MYO1D: variants seen among roughly 807,000 people sequenced by gnomAD.
MYO1D encodes the protein myosin ID.
MYO1D carries 83 observed loss-of-function variants against 122.0 expected under a neutral mutation model. That is an observed-to-expected ratio of 0.68 (90% CI 0.57 to 0.82). MYO1D has a LOEUF of 0.82. Among genes scored for constraint, MYO1D ranks in the 40% least tolerant of loss-of-function variants. The pLI is 0.00. For missense variants in MYO1D, 1,157 were observed against 1,269.5 expected (o/e 0.91, Z 1.35); for synonymous variants, 464 against 446.9 (o/e 1.04, Z -0.48).
chr17:32,522,442 G>A (rs1237454079), intron 21 of MYO1D, among the ~76,000 whole-genome samples: 3 of 152,202 alleles, frequency 2.0e-5, no homozygotes. Context: ...TTAAGTTCTA[G>A]CTGCTGACTT....
intron 16 of MYO1D, among the ~76,000 whole-genome samples, chr17:32,699,473 T>C: frequency 6.6e-6 from 1 of 152,238 alleles, no homozygotes; most frequent in East Asian, 1.9e-4. Flanking sequence ...TTCTCAATGC[T>C]GTCTCAGCTC....
chr17:32,643,793 T>A (rs1691807388), intron 19 of MYO1D, among the ~76,000 whole-genome samples: 1 of 152,196 alleles, frequency 6.6e-6, no homozygotes, highest in African/African-American at 2.4e-5. Context: ...TTATTGTGTC[T>A]ATTTGATTCT....
At position 32,724,266 on chromosome 17, in the gene MYO1D, G is replaced by A. The variant is rs139569123; in HGVS notation, c.1747-3077C>T. On this transcript the variant is annotated intron_variant, in intron 14 of 21. Coordinates refer to ENST00000318217, the MANE Select transcript of MYO1D (RefSeq NM_015194.3). The stretch of plus-strand genomic sequence containing the variant: ...ATTTATCTGCATGTTTGGCACCAGT[G>A]TAACAGAATAAGCATTGTACAAAAT... Among the ~76,000 whole-genome samples, 17 of 152,290 alleles carry A rather than the reference G, an allele frequency of 1.1e-4. No individual in the cohort carries two copies. In the East Asian group the frequency reaches 1.2e-3, roughly 10 times the overall value.
intron 19 of MYO1D, among the ~76,000 whole-genome samples, chr17:32,640,645 G>T (rs985415930): frequency 6.6e-6 from 1 of 151,004 alleles, no homozygotes; most frequent in Non-Finnish European, 1.5e-5. Context: ...TCCCTACAAA[G>T]GACATGAACT....
rs140570760 is a variant in MYO1D, at chr17:32,576,116, G to C, written c.2864+28971C>G. On this transcript the variant is annotated intron_variant, in intron 21 of 21. Coordinates refer to ENST00000318217, the MANE Select transcript of MYO1D (RefSeq NM_015194.3). ...AGTAAAATTAGTTCACTCTTAGGTA[G>C]ATCAGGGGTGAGTCAGGAGAAGAAA... Among the ~76,000 whole-genome samples, 1,020 of 152,290 alleles carry C rather than the reference G, an allele frequency of 6.7e-3. 8 individuals carry two copies. Among genetic ancestry groups the C allele is most frequent in the African/African-American group, 0.023 (972 of 41,550 alleles).
intron 21 of MYO1D, among the ~76,000 whole-genome samples, chr17:32,591,696 T>C (rs1334602911): frequency 6.6e-6 from 1 of 151,820 alleles, no homozygotes; most frequent in Non-Finnish European, 1.5e-5. Flanking sequence ...TTCATCGCAA[T>C]GGCATCAGCA....
chr17:32,513,746 G>C (rs1178102769), intron 21 of MYO1D, among the ~76,000 whole-genome samples: 1 of 152,014 alleles, frequency 6.6e-6, no homozygotes, highest in Non-Finnish European at 1.5e-5. Flanking sequence ...ATTTAGAGTT[G>C]AAATGGTAAG....
intron 21 of MYO1D, among the ~76,000 whole-genome samples, chr17:32,581,549 CTCTT>C (rs2087339327): frequency 6.6e-6 from 1 of 150,430 alleles, no homozygotes; most frequent in Non-Finnish European, 1.5e-5. Context: ...CTCTCTCTCT[CTCTT>C]TCCCTCTCCA....
rs1385884045 is a variant in MYO1D, at chr17:32,801,823, C to T, written c.96-21039G>A. On this transcript the variant is annotated intron_variant, in intron 1 of 21. Transcript: ENST00000318217. ...TTTCTAAATGCTATACTAAAGGAAACGGCTGAATCCATAATGGGGACACAG... is the reference window on the plus strand; with the variant it reads ...TTTCTAAATGCTATACTAAAGGAAATGGCTGAATCCATAATGGGGACACAG... Among the ~76,000 whole-genome samples the T allele has an allele frequency of 3.3e-5, 5 of 152,124 alleles. No individual in the cohort carries two copies. The East Asian group carries it at 5.8e-4, about 18-fold the overall frequency.
intron 1 of MYO1D, among the ~76,000 whole-genome samples, chr17:32,871,783 C>T (rs1235259802): frequency 6.6e-6 from 1 of 152,142 alleles, no homozygotes; most frequent in Non-Finnish European, 1.5e-5. Flanking sequence ...GTAAGGAGCA[C>T]GCCGAGGAGC....
At chr17:32,728,686 T>C (rs1161995298) in intron 14 of MYO1D, among the ~76,000 whole-genome samples, 4 of 152,252 alleles carry the variant, frequency 2.6e-5, no homozygotes, top group South Asian at 4.1e-4. Context: ...TCTGAACAAC[T>C]AAACCTTAGG....
chr17:32,654,022 G>T, intron 18 of MYO1D, 75 bp from the exon 19 acceptor site: 1 of 1,117,064 alleles, frequency 9.0e-7, no homozygotes, highest in Non-Finnish European at 1.3e-6. Context: ...TCAGTGTACT[G>T]CTTTATAACT....
chr17:32,765,788 A>G (rs1266295167), intron 7 of MYO1D, among the ~76,000 whole-genome samples: 1 of 151,922 alleles, frequency 6.6e-6, no homozygotes, highest in Non-Finnish European at 1.5e-5. Context: ...TCCATCCACA[A>G]TTGATTTTGG....
chr17:32,620,554 C>CCT (rs1287908499), intron 20 of MYO1D, among the ~76,000 whole-genome samples: 1 of 152,106 alleles, frequency 6.6e-6, no homozygotes, highest in Non-Finnish European at 1.5e-5. Flanking sequence ...GAACCCCCCC[C>CCT]TGCCAAGTTC....
intron 21 of MYO1D, chr17:32,531,534 T>C (rs1184945021): frequency 1.3e-5 from 2 of 152,188 alleles, no homozygotes; most frequent in South Asian, 2.1e-4. Context: ...CAATACCAAA[T>C]AAAACTTGAT....
intron 4 of MYO1D, among the ~76,000 whole-genome samples, 195 bp from the exon 5 acceptor site, chr17:32,773,037 G>A (rs563355548): frequency 3.9e-5 from 6 of 152,310 alleles, no homozygotes; most frequent in East Asian, 1.9e-4. Flanking sequence ...ATTTGGTGCC[G>A]TGACTTGGAT....
At chr17:32,731,501 G>A (rs1232533536) in intron 14 of MYO1D, among the ~76,000 whole-genome samples, 1 of 152,104 alleles carries the variant, frequency 6.6e-6, no homozygotes, top group African/African-American at 2.4e-5. Context: ...CCTGCTGTTT[G>A]TTGTTTAGTT....
chr17:32,719,108 T>C (rs1466043993), intron 15 of MYO1D, among the ~76,000 whole-genome samples: 1 of 152,214 alleles, frequency 6.6e-6, no homozygotes, highest in Non-Finnish European at 1.5e-5. Flanking sequence ...CCCAATTTTA[T>C]CTCAGCAAAT....
chr17:32,793,485 C>G (rs1484740658), intron 1 of MYO1D, among the ~76,000 whole-genome samples: 1 of 152,008 alleles, frequency 6.6e-6, no homozygotes, highest in Non-Finnish European at 1.5e-5. Flanking sequence ...AGAAGACTTC[C>G]TAAAAATTGT....
Sources: gnomAD v4.1 joint callset for allele counts (sites outside exome capture counted in the v4.1 genomes callset) on GRCh38, gnomAD v4.1.1 for gene constraint, MANE v1.5 for transcripts, NCBI Gene and HGNC (gene_info 2026-07-23, HGNC 2026-07-21) for gene names.